The following CD99L2 variants were observed in gnomAD, a reference collection of about 807,000 sequenced individuals.
CD99L2 encodes the protein CD99 antigen-like protein 2.
In CD99L2, 24 loss-of-function variants were observed where a neutral mutation model predicts 27.3. The ratio of observed to expected loss-of-function variants is 0.88; its 90% CI spans 0.64 to 1.24. The LOEUF (loss-of-function observed/expected upper bound fraction) is 1.24. Ranked by LOEUF, CD99L2 falls within the 50% of genes most tolerant of loss-of-function variation. The pLI, the probability that CD99L2 is intolerant of heterozygous loss-of-function variation, is 0.00. For missense variants in CD99L2, 255 were observed against 221.6 expected (o/e 1.15, Z -0.96); for synonymous variants, 97 against 87.9 (o/e 1.10, Z -0.58).
intron 4 of CD99L2, among the ~76,000 whole-genome samples, chrX:150,799,032 T>C (rs1195937828): frequency 8.9e-6 from 1 of 112,662 alleles, no homozygotes; most frequent in African/African-American, 3.2e-5. Flanking sequence ...ATTATAGGCA[T>C]GTGCACCATG....
At chrX:150,773,414 T>C (rs782666192) in intron 9 of CD99L2, among the ~76,000 whole-genome samples, 1 of 113,002 alleles carries the variant, frequency 8.8e-6, no homozygotes, top group Non-Finnish European at 1.9e-5. Context: ...TACAGACCTG[T>C]AGTTTAAATA....
rs1198197080 is a variant in CD99L2, at chrX:150,898,632, G to A, written c.-44C>T. 2 of 1,051,192 alleles carry A rather than the reference G, an allele frequency of 1.9e-6. No homozygotes were observed. Among genetic ancestry groups the A allele is most frequent in the East Asian group, 4.2e-5 (1 of 24,063 alleles). 86.6% of individuals were successfully genotyped at this position (1,051,192 alleles called of 1,213,427 possible). ...GGCCCCGGAGGAGCACAGTTAGCGC[G>A]AGAGCGCCCGAAGGGGAGGCCGAGG... On this transcript the variant is annotated 5_prime_UTR_variant, in exon 1 of 11. Transcript: ENST00000370377.
At chrX:150,818,100 A>G (rs1384082513) in intron 2 of CD99L2, among the ~76,000 whole-genome samples, 6 of 97,313 alleles carry the variant, frequency 6.2e-5, no homozygotes, top group Non-Finnish European at 1.3e-4. Flanking sequence ...CCCAAAATAC[A>G]TGAAGCAAAA....
At chrX:150,864,728 C>A (rs915157252) in intron 1 of CD99L2, among the ~76,000 whole-genome samples, 1 of 112,670 alleles carries the variant, frequency 8.9e-6, no homozygotes. Context: ...CAATACTATT[C>A]ATAAAAAGCA....
rs782782202 is a variant in CD99L2 at position 150,881,844 on chromosome X, G to A, written c.67+16678C>T. Among the ~76,000 whole-genome samples the A allele has an allele frequency of 3.0e-3, 291 of 96,681 alleles. 4 individuals carry two copies. Among genetic ancestry groups the A allele is most frequent in the African/African-American group, 0.01 (263 of 25,283 alleles). 84.0% of individuals were successfully genotyped at this position (96,681 alleles called of 115,157 possible). A position where few individuals can be genotyped will look rare whatever the true frequency, so the allele number is the denominator to read the frequency against. On this transcript the variant is annotated intron_variant, in intron 1 of 10. Coordinates refer to ENST00000370377, the MANE Select transcript of CD99L2 (RefSeq NM_031462.4). Reference sequence around the variant, plus strand: ...TTTTTTTTTTTTTTTTTGAGACGGCGTCTCGCTCTGTTGCCCAGGCTGGAG... The same window carrying A: ...TTTTTTTTTTTTTTTTTGAGACGGCATCTCGCTCTGTTGCCCAGGCTGGAG...
intron 4 of CD99L2, among the ~76,000 whole-genome samples, chrX:150,796,285 G>A (rs112730113): frequency 0.17 from 19,466 of 111,776 alleles, 1,238 homozygotes; most frequent in Middle Eastern, 0.25. Flanking sequence ...ATCATTTTTC[G>A]ATAGACCTTT....
chrX:150,808,602 G>A (rs916964052), intron 4 of CD99L2, among the ~76,000 whole-genome samples: 31 of 112,266 alleles, frequency 2.8e-4, no homozygotes, highest in African/African-American at 9.4e-4. Context: ...GAGCATGGGA[G>A]GGACCCATGA....
intron 4 of CD99L2, among the ~76,000 whole-genome samples, chrX:150,807,697 T>G (rs373198032): frequency 1.8e-5 from 2 of 112,503 alleles, no homozygotes; most frequent in African/African-American, 6.4e-5. Flanking sequence ...CTCAAATCTA[T>G]CCCAAGAGGG....
chrX:150,871,236 C>G (rs2047151854), intron 1 of CD99L2, among the ~76,000 whole-genome samples: 1 of 111,671 alleles, frequency 9.0e-6, no homozygotes, highest in Admixed American at 9.5e-5. Flanking sequence ...CCTTCAACCT[C>G]AAGCTGTAAC....
At chrX:150,884,259 T>A (rs6653502) in intron 1 of CD99L2, among the ~76,000 whole-genome samples, 49,394 of 110,954 alleles carry the variant, frequency 0.45, 10,989 homozygotes, top group African/African-American at 0.88. Context: ...TTAAACCATA[T>A]GACACAAGCA....
intron 1 of CD99L2, among the ~76,000 whole-genome samples, chrX:150,833,699 A>G (rs2046480590): frequency 8.9e-6 from 1 of 112,375 alleles, no homozygotes; most frequent in Non-Finnish European, 1.9e-5. Context: ...TCTTCAGTAA[A>G]TGATGTAGAG....
chrX:150,769,680 CGCCACCAGGCCTCGGCT>C (rs1287402225), intron 10 of CD99L2, among the ~76,000 whole-genome samples: 2 of 86,596 alleles, frequency 2.3e-5, no homozygotes, highest in Non-Finnish European at 3.9e-5. Context: ...TCCCTGCCTG[CGCCACCAGGCCTCGGCT>C]GCTCCCCGAC....
At position 150,769,887 on chromosome X, in the gene CD99L2, G is replaced by A. The variant is rs189818468; in HGVS notation, c.721+417C>T. On this transcript the variant is annotated intron_variant, in intron 10 of 10. Coordinates refer to ENST00000370377, the MANE Select transcript of CD99L2 (RefSeq NM_031462.4). ...AGGGGGAGGGAGGGGCACAGGTGTT[G>A]ACAATAGGGTCTGGGTTTTACCCAA... Among the ~76,000 whole-genome samples, 4 of 113,245 alleles carry A rather than the reference G, an allele frequency of 3.5e-5. No individual in the cohort carries two copies. In the Admixed American group the frequency reaches 3.7e-4, roughly 10 times the overall value.
chrX:150,864,313 C>G (rs1488025819), intron 1 of CD99L2, among the ~76,000 whole-genome samples: 1 of 112,450 alleles, frequency 8.9e-6, no homozygotes, highest in African/African-American at 3.2e-5. Context: ...GGCATCCACA[C>G]GTGCACAAAG....
chrX:150,878,057 G>A (rs1199875157), intron 1 of CD99L2, among the ~76,000 whole-genome samples: 1 of 108,751 alleles, frequency 9.2e-6, no homozygotes, highest in Non-Finnish European at 1.9e-5. Context: ...ATAGTAGGGG[G>A]CCAGGTGCAG....
At chrX:150,798,605 G>A (rs1306963663) in intron 4 of CD99L2, among the ~76,000 whole-genome samples, 2 of 111,757 alleles carry the variant, frequency 1.8e-5, no homozygotes, top group East Asian at 5.7e-4. Context: ...AAATATAAAA[G>A]CTAAAACTAT....
At chrX:150,834,755 T>C (rs2046500689) in intron 1 of CD99L2, among the ~76,000 whole-genome samples, 1 of 112,247 alleles carries the variant, frequency 8.9e-6, no homozygotes. Context: ...TCCAAAGGAA[T>C]TGAAATCACG....
intron 2 of CD99L2, among the ~76,000 whole-genome samples, chrX:150,818,086 C>T (rs2046191157): frequency 1.2e-5 from 1 of 82,957 alleles, no homozygotes; most frequent in Non-Finnish European, 2.4e-5. Context: ...CCTAACAACA[C>T]AGCCCCAAAA....
chrX:150,772,469 A>G (rs1255861502), intron 9 of CD99L2, among the ~76,000 whole-genome samples: 1 of 112,408 alleles, frequency 8.9e-6, no homozygotes, highest in Non-Finnish European at 1.9e-5. Flanking sequence ...GCCCTCGGGA[A>G]GTGAAAGGCC....
Sources: gnomAD v4.1 joint callset for allele counts (sites outside exome capture counted in the v4.1 genomes callset) on GRCh38, gnomAD v4.1.1 for gene constraint, MANE v1.5 for transcripts, NCBI Gene and HGNC (gene_info 2026-07-23, HGNC 2026-07-21) for gene names.